Variants in NBEA observed in about 807,000 individuals in gnomAD.
NBEA encodes the protein lysosomal-trafficking regulator 2.
A neutral mutation model predicts 343.4 loss-of-function variants in NBEA; 44 were observed. The observed-to-expected ratio is 0.13, with a 90% CI of 0.10 to 0.16. The LOEUF (loss-of-function observed/expected upper bound fraction) is 0.16. NBEA is among the 10% of genes least tolerant of loss of function. The pLI, the probability that NBEA is intolerant of heterozygous loss-of-function variation, is 1.00. For synonymous variants in NBEA, 1,175 were observed against 1,238.7 expected (o/e 0.95, Z 1.08); for missense variants, 2,555 against 3,631.3 (o/e 0.70, Z 7.62).
intron 40 of NBEA, among the ~76,000 whole-genome samples, chr13:35,463,770 A>G (rs1313786159): frequency 6.6e-6 from 1 of 152,194 alleles, no homozygotes; most frequent in Non-Finnish European, 1.5e-5. Flanking sequence ...GTGAGGAACT[A>G]AGAAATGGAA....
At chr13:35,488,681 A>G (rs547392649) in intron 41 of NBEA, among the ~76,000 whole-genome samples, 78 of 152,022 alleles carry the variant, frequency 5.1e-4, no homozygotes, top group African/African-American at 1.8e-3. Flanking sequence ...GCAGAGGTAA[A>G]TACTTTTAAA....
At chr13:34,982,082 T>G (rs1050373051) in intron 1 of NBEA, among the ~76,000 whole-genome samples, 1 of 152,134 alleles carries the variant, frequency 6.6e-6, no homozygotes, top group Non-Finnish European at 1.5e-5. Flanking sequence ...ATTTATGTTC[T>G]TATTATTACT....
intron 48 of NBEA, among the ~76,000 whole-genome samples, chr13:35,623,059 T>G (rs1044606758): frequency 3.8e-4 from 58 of 152,176 alleles, no homozygotes; most frequent in Non-Finnish European, 1.0e-4. Flanking sequence ...GGTAGAGCTC[T>G]GGATTGGGAA....
intron 1 of NBEA, among the ~76,000 whole-genome samples, chr13:34,991,487 C>G (rs2060747740): frequency 6.6e-6 from 1 of 152,064 alleles, no homozygotes; most frequent in African/African-American, 2.4e-5. Flanking sequence ...TTTAAACAAC[C>G]ACATCTTGTG....
chr13:35,250,457 A>T (rs1293871149), intron 34 of NBEA, among the ~76,000 whole-genome samples: 1 of 152,232 alleles, frequency 6.6e-6, no homozygotes, highest in African/African-American at 2.4e-5. Flanking sequence ...GCAATCTCAT[A>T]AATGGTTAAT....
Position 35,164,507 on chromosome 13 carries a change from A to C in NBEA, c.4231A>C (p.Thr1411Pro), listed in dbSNP as rs1385999965. 5 of 1,608,696 alleles carry C rather than the reference A, an allele frequency of 3.1e-6. No homozygotes were observed. In the African/African-American group the frequency reaches 4.0e-5, roughly 13 times the overall value. Reference protein sequence around the residue: ...LPLLSAATSPTGSKTELENIE... With the variant: ...LPLLSAATSPPGSKTELENIE... ...TTTGCTCTCTGCTGCTACATCACCA[A>C]CTGTAAGTACTTTGCCTCCATCTAG... The change falls in exon 24 of 59, where the codon ACT (threonine) becomes CCT (proline). Residue 1411 changes from threonine (T) to proline (P), a missense_variant and splice_region_variant. Transcript: ENST00000379939.
At chr13:35,582,198 A>G (rs9565386) in intron 45 of NBEA, among the ~76,000 whole-genome samples, 36,009 of 152,088 alleles carry the variant, frequency 0.24, 4,667 homozygotes, top group East Asian at 0.35. Context: ...AGGCAGGAGA[A>G]TGGCGTGAAC....
At chr13:35,347,982 C>T (rs2039982353) in intron 36 of NBEA, among the ~76,000 whole-genome samples, 1 of 152,090 alleles carries the variant, frequency 6.6e-6, no homozygotes, top group South Asian at 2.1e-4. Flanking sequence ...TCAAAAGCTG[C>T]CTGGCATCTT....
intron 40 of NBEA, among the ~76,000 whole-genome samples, chr13:35,457,078 C>T (rs1454498472): frequency 6.6e-6 from 1 of 151,842 alleles, no homozygotes; most frequent in Non-Finnish European, 1.5e-5. Context: ...ATTTCACAGG[C>T]CCAAACTAAT....
intron 30 of NBEA, among the ~76,000 whole-genome samples, chr13:35,188,249 A>ATTT (rs541398659): frequency 7.0e-6 from 1 of 142,144 alleles, no homozygotes; most frequent in Non-Finnish European, 1.5e-5. Context: ...CTCACGTATC[A>ATTT]TTTTTTTTTT....
intron 47 of NBEA, 136 bp downstream of exon 47, chr13:35,593,583 C>A: frequency 1.9e-6 from 1 of 522,392 alleles, no homozygotes; most frequent in Non-Finnish European, 3.1e-6. Flanking sequence ...TACATCTAAC[C>A]TTATAGGAAA....
At chr13:35,113,586 C>CATCCATCCATCT (rs1555307443) in intron 13 of NBEA, among the ~76,000 whole-genome samples, 4 of 146,694 alleles carry the variant, frequency 2.7e-5, no homozygotes, top group African/African-American at 1.0e-4. Flanking sequence ...CTCCTCCACT[C>CATCCATCCATCT]ATCTATCTAT....
Position 35,232,477 on chromosome 13 carries a change from T to A in NBEA, c.5649-15T>A. ...TGAATTATATTTATTAGTTTTTATG[T>A]CTTAATTTCAACAGCATCACTGCAA... On this transcript the variant is annotated splice_polypyrimidine_tract_variant and intron_variant, in intron 33 of 58. Coordinates refer to ENST00000379939, the MANE Select transcript of NBEA (RefSeq NM_001385012.1). The A allele has an allele frequency of 6.7e-7, 1 of 1,503,034 alleles. No homozygotes were observed. The highest frequency in any genetic ancestry group is 9.0e-7 in the Non-Finnish European group (1 of 1,113,408). The allele number at this position is 1,503,034 out of a possible 1,614,324, so 93.1% of individuals were successfully genotyped here.
chr13:35,236,752 G>A (rs925360770), intron 34 of NBEA, among the ~76,000 whole-genome samples: 10 of 150,618 alleles, frequency 6.6e-5, no homozygotes, highest in African/African-American at 2.0e-4. Context: ...CACCCCGCCC[G>A]GCCTAAACCC....
Position 35,385,117 on chromosome 13 carries a change from T to G in NBEA, c.6179+32794T>G, listed in dbSNP as rs557908394. ...TATTCTTCAAGTAAATCTTTTTTAG[T>G]CTCTGCTGCATTAAAATTTTAATAA... On this transcript the variant is annotated intron_variant, in intron 38 of 58. Transcript: ENST00000379939. Among the ~76,000 whole-genome samples the G allele has an allele frequency of 2.4e-4, 37 of 152,334 alleles. No individual in the cohort carries two copies. In the South Asian group the frequency reaches 3.7e-3, roughly 15 times the overall value.
chr13:35,441,308 G>A (rs1467800175), intron 39 of NBEA, among the ~76,000 whole-genome samples: 3 of 152,092 alleles, frequency 2.0e-5, no homozygotes, highest in African/African-American at 7.2e-5. Context: ...GTACAAACAT[G>A]ATTTTCTCCC....
rs181284827 is a variant in NBEA at position 35,555,291 on chromosome 13, T to G, written c.6922+189T>G. Among the ~76,000 whole-genome samples, 3 of 152,316 alleles carry G rather than the reference T, an allele frequency of 2.0e-5. No homozygotes were observed. In the East Asian group the frequency reaches 5.8e-4, roughly 29 times the overall value. On this transcript the variant is annotated intron_variant, in intron 44 of 58. Transcript: ENST00000379939. The stretch of plus-strand genomic sequence containing the variant: ...CCAAACTTTTAGATGCATTTATTGT[T>G]GAAGAGGCTTTTCCTTGCTTTCCTT...
chr13:35,028,974 A>G (rs2062108155), intron 1 of NBEA, among the ~76,000 whole-genome samples: 1 of 151,710 alleles, frequency 6.6e-6, no homozygotes, highest in Admixed American at 6.6e-5. Context: ...GCTGAATAAT[A>G]TTCCATTGTA....
At chr13:35,289,675 T>G (rs952227158) in intron 34 of NBEA, among the ~76,000 whole-genome samples, 1 of 151,882 alleles carries the variant, frequency 6.6e-6, no homozygotes, top group African/African-American at 2.4e-5. Flanking sequence ...TAATGATAAT[T>G]AAATGAGACC....
Sources: gnomAD v4.1 joint callset for allele counts (sites outside exome capture counted in the v4.1 genomes callset) on GRCh38, gnomAD v4.1.1 for gene constraint, MANE v1.5 for transcripts, NCBI Gene and HGNC (gene_info 2026-07-23, HGNC 2026-07-21) for gene names.